KCNAB1: variants seen among roughly 807,000 people sequenced by gnomAD.
The protein encoded by KCNAB1 is voltage-gated potassium channel subunit beta-1.
Under a neutral mutation model 64.6 loss-of-function variants are expected in KCNAB1, and 35 were observed. The ratio of observed to expected loss-of-function variants is 0.54; its 90% CI spans 0.41 to 0.72. The LOEUF is 0.72. Among genes scored for constraint, KCNAB1 ranks in the 30% least tolerant of loss-of-function variants. The probability of loss-of-function intolerance (pLI) is 0.00; values close to 1 mark genes in which losing one functional copy is unlikely to be tolerated. For missense variants in KCNAB1, 401 were observed against 512.9 expected, an observed-to-expected ratio of 0.78 and a Z score of 2.11; for synonymous variants, 177 against 183.8, an observed-to-expected ratio of 0.96 and a Z score of 0.30.
At chr3:156,403,333 C>A (rs1714031727) in intron 1 of KCNAB1, among the ~76,000 whole-genome samples, 1 of 152,290 alleles carries the variant, frequency 6.6e-6, no homozygotes, top group Non-Finnish European at 1.5e-5. Context: ...CATCCAAGGA[C>A]CTGAGGAACA....
At chr3:156,118,445 T>C (rs1713174455), upstream of KCNAB1, 2 of 352,036 alleles carry the variant, frequency 5.7e-6, no homozygotes, top group Non-Finnish European at 1.1e-5. Flanking sequence ...TCCACCACGT[T>C]TTACATTGAA....
intron 8 of KCNAB1, among the ~76,000 whole-genome samples, chr3:156,499,367 C>A (rs909492940): frequency 1.3e-5 from 2 of 151,886 alleles, no homozygotes; most frequent in Non-Finnish European, 2.9e-5. Flanking sequence ...TTTCTAGGAC[C>A]CTCAGTTTTT....
intron 1 of KCNAB1, among the ~76,000 whole-genome samples, chr3:156,233,718 C>G (rs1716674912): frequency 6.6e-6 from 1 of 151,908 alleles, no homozygotes; most frequent in Admixed American, 6.6e-5. Flanking sequence ...ATAGTGGAGA[C>G]AGTGAGGAGT....
chr3:156,368,015 TG>T (rs1440620893), intron 1 of KCNAB1, among the ~76,000 whole-genome samples: 1 of 152,204 alleles, frequency 6.6e-6, no homozygotes, highest in Non-Finnish European at 1.5e-5. Context: ...ACCTAAATCC[TG>T]TTTGTGAAAT....
At chr3:156,180,419 C>T (rs573973580) in intron 1 of KCNAB1, among the ~76,000 whole-genome samples, 28 of 152,138 alleles carry the variant, frequency 1.8e-4, no homozygotes, top group Non-Finnish European at 3.4e-4. Context: ...GCTATTTAAA[C>T]TTTTAAAAGA....
At chr3:156,511,400 G>A (rs572042850) in intron 8 of KCNAB1, among the ~76,000 whole-genome samples, 13 of 152,166 alleles carry the variant, frequency 8.5e-5, no homozygotes, top group East Asian at 1.9e-4. Flanking sequence ...ACCGTGCCCC[G>A]CCCGTCATCT....
chr3:156,419,245 G>A (rs985107721), intron 1 of KCNAB1, among the ~76,000 whole-genome samples: 1 of 152,196 alleles, frequency 6.6e-6, no homozygotes, highest in East Asian at 1.9e-4. Flanking sequence ...GCTCACGCCT[G>A]TAATCCCAGC....
chr3:156,263,401 T>C (rs991740431), intron 1 of KCNAB1, among the ~76,000 whole-genome samples: 3 of 152,088 alleles, frequency 2.0e-5, no homozygotes, highest in Non-Finnish European at 2.9e-5. Context: ...TTTAGAATAG[T>C]CCTATTTAAT....
intron 1 of KCNAB1, among the ~76,000 whole-genome samples, chr3:156,251,674 A>C (rs1717838082): frequency 6.6e-6 from 1 of 152,014 alleles, no homozygotes; most frequent in African/African-American, 2.4e-5. Context: ...GGAGATTCCC[A>C]CTCATTCATT....
intron 1 of KCNAB1, among the ~76,000 whole-genome samples, chr3:156,399,634 C>T (rs1287707096): frequency 6.6e-6 from 1 of 152,016 alleles, no homozygotes; most frequent in African/African-American, 2.4e-5. Flanking sequence ...GAAGAGACAA[C>T]CAAATTGCTT....
chr3:156,307,386 GGT>G (rs1721567481), intron 1 of KCNAB1, among the ~76,000 whole-genome samples: 2 of 148,664 alleles, frequency 1.3e-5, no homozygotes, highest in Non-Finnish European at 3.0e-5. Context: ...TTTTATTGTT[GGT>G]CTACCTCCAC....
chr3:156,389,551 G>A (rs6441067), intron 1 of KCNAB1, among the ~76,000 whole-genome samples: 45,142 of 152,098 alleles, frequency 0.3, 9,293 homozygotes, highest in African/African-American at 0.59. Context: ...CCTGGCTGCA[G>A]CATCCATATC....
chr3:156,121,090 A>G (rs1713315026), intron 1 of KCNAB1, among the ~76,000 whole-genome samples: 1 of 152,250 alleles, frequency 6.6e-6, no homozygotes, highest in Admixed American at 6.5e-5. Context: ...GTTATTCAGA[A>G]AAGACCTCTT....
At chr3:156,232,885 A>G (rs1385535544) in intron 1 of KCNAB1, among the ~76,000 whole-genome samples, 6 of 152,254 alleles carry the variant, frequency 3.9e-5, no homozygotes, top group African/African-American at 1.4e-4. Flanking sequence ...GAAATAGTAG[A>G]GAAAGTTTTC....
intron 1 of KCNAB1, among the ~76,000 whole-genome samples, chr3:156,286,603 C>A (rs1460901850): frequency 6.6e-6 from 1 of 152,038 alleles, no homozygotes; most frequent in African/African-American, 2.4e-5. Context: ...TTTTTTTAAG[C>A]AACAGGAATA....
intron 1 of KCNAB1, among the ~76,000 whole-genome samples, chr3:156,309,775 C>T (rs1052342649): frequency 6.6e-6 from 1 of 152,168 alleles, no homozygotes; most frequent in African/African-American, 2.4e-5. Flanking sequence ...GTCCTGCTGC[C>T]CTGTTTGTGA....
chr3:156,401,946 A>G (rs1389587122), intron 1 of KCNAB1, among the ~76,000 whole-genome samples: 2 of 152,178 alleles, frequency 1.3e-5, no homozygotes, highest in African/African-American at 4.8e-5. Flanking sequence ...AAGAAAGAGA[A>G]AAGAAAAGAA....
chr3:156,478,407 C>T, intron 8 of KCNAB1, among the ~76,000 whole-genome samples: 1 of 152,098 alleles, frequency 6.6e-6, no homozygotes, highest in East Asian at 1.9e-4. Context: ...CATGGAGTCA[C>T]AACCCACGCT....
At chr3:156,231,510 C>CCCTCCCTT (rs1716527434) in intron 1 of KCNAB1, among the ~76,000 whole-genome samples, 1 of 133,268 alleles carries the variant, frequency 7.5e-6, no homozygotes, top group Non-Finnish European at 1.6e-5. Context: ...CTCCCTCCCT[C>CCCTCCCTT]CCTCCCTTCC....
Sources: allele counts gnomAD v4.1 joint callset (sites outside exome capture counted in the v4.1 genomes callset), GRCh38; gene constraint gnomAD v4.1.1; transcripts MANE v1.5; gene names NCBI Gene and HGNC (gene_info 2026-07-23, HGNC 2026-07-21).